The following CALN1 variants were observed in gnomAD, a reference collection of about 807,000 sequenced individuals.
CALN1 encodes the protein calcium-binding protein 8.
In CALN1, 17 loss-of-function variants were observed where a neutral mutation model predicts 30.6. The ratio of observed to expected loss-of-function variants is 0.56; its 90% confidence interval spans 0.38 to 0.83. CALN1 has a LOEUF of 0.83. CALN1 is among the 40% of genes least tolerant of loss of function. The pLI is 0.00. For missense variants in CALN1, 291 were observed against 354.9 expected, an observed-to-expected ratio of 0.82 and a Z score of 1.45; for synonymous variants, 156 against 131.4, an observed-to-expected ratio of 1.19 and a Z score of -1.28.
chr7:72,186,254 C>T (rs563730507), intron 3 of CALN1, among the ~76,000 whole-genome samples: 7 of 152,118 alleles, frequency 4.6e-5, no homozygotes, highest in East Asian at 3.9e-4. Context: ...TATTTTAAGC[C>T]GCTCAAATGG....
intron 2 of CALN1, among the ~76,000 whole-genome samples, chr7:72,338,874 C>A (rs1802253178): frequency 6.6e-6 from 1 of 151,562 alleles, no homozygotes; most frequent in Non-Finnish European, 1.5e-5. Context: ...GTTGTGCTAT[C>A]AAATAATAGG....
chr7:71,855,535 C>A (rs1390887206), intron 5 of CALN1, among the ~76,000 whole-genome samples: 1 of 152,110 alleles, frequency 6.6e-6, no homozygotes, highest in African/African-American at 2.4e-5. Context: ...CCAGGCTTGG[C>A]AATTCAAATG....
At chr7:72,317,285 G>T (rs962701171) in intron 2 of CALN1, among the ~76,000 whole-genome samples, 1 of 150,982 alleles carries the variant, frequency 6.6e-6, no homozygotes, top group Admixed American at 6.6e-5. Flanking sequence ...GGAAGGGAAG[G>T]GAAGGAAGGA....
intron 3 of CALN1, among the ~76,000 whole-genome samples, chr7:72,202,783 T>G (rs538907731): frequency 6.6e-6 from 1 of 152,332 alleles, no homozygotes; most frequent in South Asian, 2.1e-4. Flanking sequence ...TCCACCATTA[T>G]AGAAGACAGT....
At chr7:72,495,387 T>G in the CALN1 span, among the ~76,000 whole-genome samples, 6 of 152,282 alleles carry the variant, frequency 3.9e-5, no homozygotes, top group Middle Eastern at 0.01. Context: ...AGTCCTTCAG[T>G]TAGTTAAAAA....
intron 5 of CALN1, among the ~76,000 whole-genome samples, chr7:71,950,623 C>T (rs1056118042): frequency 6.6e-6 from 1 of 152,144 alleles, no homozygotes; most frequent in South Asian, 2.1e-4. Flanking sequence ...GTCCCTAACA[C>T]CCCCGATCCA....
intron 5 of CALN1, among the ~76,000 whole-genome samples, chr7:71,843,623 T>TAAA (rs1790069903): frequency 6.6e-6 from 1 of 152,012 alleles, no homozygotes; most frequent in Non-Finnish European, 1.5e-5. Flanking sequence ...ACACTGTCTC[T>TAAA]AAAAAACAAA....
intron 4 of CALN1, among the ~76,000 whole-genome samples, chr7:72,072,724 T>TATA (rs1804483817): frequency 6.6e-6 from 1 of 152,192 alleles, no homozygotes; most frequent in South Asian, 2.1e-4. Flanking sequence ...GTTTTGCCCA[T>TATA]ATAATGTATA....
intron 5 of CALN1, among the ~76,000 whole-genome samples, chr7:71,949,465 C>A (rs998437440): frequency 3.3e-5 from 5 of 151,650 alleles, no homozygotes; most frequent in Admixed American, 3.3e-4. Flanking sequence ...CTCACTGCAA[C>A]CTCTCCCTGA....
intron 3 of CALN1, among the ~76,000 whole-genome samples, chr7:72,143,779 G>A (rs1381186395): frequency 2.0e-5 from 3 of 152,256 alleles, no homozygotes; most frequent in South Asian, 2.1e-4. Context: ...CTGATCTCTC[G>A]GCAGAAACTC....
the CALN1 span, among the ~76,000 whole-genome samples, chr7:72,460,205 C>T: frequency 7.2e-5 from 11 of 152,200 alleles, no homozygotes; most frequent in East Asian, 7.7e-4. Context: ...ACATACCTCC[C>T]ACCAGGCCCC....
Position 72,408,154 on chromosome 7 carries a change from C to A in CALN1, c.-74+3904G>T, listed in dbSNP as rs559871752. Among the ~76,000 whole-genome samples, 10 of 151,940 alleles carry A rather than the reference C, an allele frequency of 6.6e-5. No individual in the cohort carries two copies. The East Asian group carries it at 1.9e-3, about 29-fold the overall frequency. On this transcript the variant is annotated intron_variant, in intron 1 of 6. Coordinates refer to ENST00000395275, the MANE Select transcript of CALN1 (RefSeq NM_031468.4). ...TTGACGTTAAAAACAAACCGTAGGCCTGGCATGGAGGCTCACATCTGTAAT... is the reference window on the plus strand; with the variant it reads ...TTGACGTTAAAAACAAACCGTAGGCATGGCATGGAGGCTCACATCTGTAAT...
chr7:72,201,785 T>C (rs1791449450), intron 3 of CALN1, among the ~76,000 whole-genome samples: 1 of 142,244 alleles, frequency 7.0e-6, no homozygotes, highest in East Asian at 2.1e-4. Context: ...AAAAGCCAGC[T>C]AGAACCTGGA....
At chr7:72,141,685 C>G (rs1401539396) in intron 3 of CALN1, among the ~76,000 whole-genome samples, 1 of 152,126 alleles carries the variant, frequency 6.6e-6, no homozygotes, top group African/African-American at 2.4e-5. Flanking sequence ...TCTCCTGCTT[C>G]AGCCTCCTGA....
chr7:71,925,816 T>A (rs1160967333), intron 5 of CALN1, among the ~76,000 whole-genome samples: 6 of 152,298 alleles, frequency 3.9e-5, no homozygotes, highest in Middle Eastern at 3.4e-3. Flanking sequence ...GAAAGAGGCA[T>A]TCTGCAATTC....
intron 3 of CALN1, among the ~76,000 whole-genome samples, chr7:72,277,236 C>A (rs945081223): frequency 2.6e-5 from 4 of 152,170 alleles, no homozygotes; most frequent in African/African-American, 9.7e-5. Flanking sequence ...TATGAGCCAC[C>A]TAGTCTATGG....
At chr7:71,790,592 T>G (rs1194102864) in intron 6 of CALN1, among the ~76,000 whole-genome samples, 1 of 152,192 alleles carries the variant, frequency 6.6e-6, no homozygotes, top group African/African-American at 2.4e-5. Context: ...GTTCCCCAGA[T>G]AGCTTAGAGG....
At chr7:72,201,131 T>A (rs1585149416) in intron 3 of CALN1, among the ~76,000 whole-genome samples, 1 of 152,172 alleles carries the variant, frequency 6.6e-6, no homozygotes, top group African/African-American at 2.4e-5. Context: ...GCAGGCAACA[T>A]GAGTGCAGCT....
At chr7:71,958,322 C>G (rs1458742603) in intron 5 of CALN1, among the ~76,000 whole-genome samples, 1 of 152,094 alleles carries the variant, frequency 6.6e-6, no homozygotes, top group Non-Finnish European at 1.5e-5. Context: ...TATTCTCATA[C>G]TGGTCTTGTT....
Sources: allele counts gnomAD v4.1 joint callset (sites outside exome capture counted in the v4.1 genomes callset), GRCh38; gene constraint gnomAD v4.1.1; transcripts MANE v1.5; gene names NCBI Gene and HGNC (gene_info 2026-07-23, HGNC 2026-07-21).